The following CNRIP1 variants were observed in gnomAD, a reference collection of about 807,000 sequenced individuals.
CNRIP1 encodes the protein cannabinoid receptor interacting protein 1.
CNRIP1 carries 10 observed loss-of-function variants against 15.2 expected under a neutral mutation model. The ratio of observed to expected loss-of-function variants is 0.66; its 90% confidence interval spans 0.41 to 1.12. CNRIP1 has a LOEUF of 1.12. Ranked by LOEUF, CNRIP1 falls within the 50% of genes most tolerant of loss-of-function variation. The pLI, the probability that CNRIP1 is intolerant of heterozygous loss-of-function variation, is 0.00. For synonymous variants in CNRIP1, 91 were observed against 83.2 expected (o/e 1.09, Z -0.51); for missense variants, 211 against 214.7 (o/e 0.98, Z 0.11).
downstream of CNRIP1, among the ~76,000 whole-genome samples, chr2:68,289,562 C>T (rs985629526): frequency 6.6e-6 from 1 of 151,958 alleles, no homozygotes. Flanking sequence ...CTCACTGCAA[C>T]CTCCACTTCC....
Position 68,293,404 on chromosome 2 carries a change from C to A in CNRIP1, c.*458G>T, listed in dbSNP as rs1410590389. The A allele has an allele frequency of 2.0e-6, 2 of 986,070 alleles. No homozygotes were observed. Among genetic ancestry groups the A allele is most frequent in the Admixed American group, 6.1e-5 (1 of 16,394 alleles). 61.1% of individuals were successfully genotyped at this position (986,070 alleles called of 1,614,324 possible). A position where few individuals can be genotyped will look rare whatever the true frequency, so the allele number is the denominator to read the frequency against. ...TCACAAAGCCTGCTTTGAAAGCTGG[C>A]AAACACTGCAAGTTACATGTTACCA... On this transcript the variant is annotated 3_prime_UTR_variant, in exon 3 of 3. Coordinates refer to ENST00000263655, the MANE Select transcript of CNRIP1 (RefSeq NM_015463.3).
intron 2 of CNRIP1, among the ~76,000 whole-genome samples, chr2:68,300,577 A>T (rs1671567472): frequency 6.6e-6 from 1 of 152,118 alleles, no homozygotes; most frequent in East Asian, 1.9e-4. Context: ...AGATCACACC[A>T]TTGCACTCCA....
chr2:68,314,038 T>C (rs1263009032), intron 2 of CNRIP1, among the ~76,000 whole-genome samples: 1 of 152,146 alleles, frequency 6.6e-6, no homozygotes. Context: ...CCTTCATTTT[T>C]TCCTCAAGAA....
chr2:68,305,462 C>T (rs559603861), intron 2 of CNRIP1, among the ~76,000 whole-genome samples: 4 of 151,886 alleles, frequency 2.6e-5, no homozygotes, highest in Admixed American at 2.0e-4. Flanking sequence ...GAAATGTCAT[C>T]AGTGTGGGTG....
chr2:68,293,318 C>T lies in CNRIP1; in HGVS notation c.*544G>A, dbSNP rs1282410615. ...TTGTTACCATCCTTCCCTGAAAGAG[C>T]GGAGCTGTTTATAGGAAGCACAACA... On this transcript the variant is annotated 3_prime_UTR_variant, in exon 3 of 3. Coordinates refer to ENST00000263655, the MANE Select transcript of CNRIP1 (RefSeq NM_015463.3). 2.2e-5 allele frequency: 22 copies of T among 985,812 alleles called. No individual in the cohort carries two copies. In the South Asian group the frequency reaches 5.6e-4, roughly 25 times the overall value. 61.1% of individuals were successfully genotyped at this position (985,812 alleles called of 1,614,324 possible). A position where few individuals can be genotyped will look rare whatever the true frequency, so the allele number is the denominator to read the frequency against.
At chr2:68,317,415 G>T in intron 1 of CNRIP1, 108 bp from the exon 2 acceptor site, 1 of 1,194,792 alleles carries the variant, frequency 8.4e-7, no homozygotes, top group South Asian at 1.4e-5. Flanking sequence ...CACTAAGGGG[G>T]GCATTGTGGT....
At chr2:68,301,565 G>C (rs1284981471) in intron 2 of CNRIP1, among the ~76,000 whole-genome samples, 1 of 152,062 alleles carries the variant, frequency 6.6e-6, no homozygotes, top group Non-Finnish European at 1.5e-5. Context: ...AGAGTAAAAC[G>C]GTCTATCCAG....
At chr2:68,312,448 T>G (rs746970050) in intron 2 of CNRIP1, among the ~76,000 whole-genome samples, 2 of 152,146 alleles carry the variant, frequency 1.3e-5, no homozygotes, top group Admixed American at 6.5e-5. Flanking sequence ...AAACCAGGAA[T>G]AGAAGAGAAC....
chr2:68,311,412 G>C (rs910215102), intron 2 of CNRIP1, among the ~76,000 whole-genome samples: 1 of 152,092 alleles, frequency 6.6e-6, no homozygotes, highest in Admixed American at 6.6e-5. Context: ...TTTTGAAAAG[G>C]CCAATAAAAC....
At chr2:68,285,470 C>A (rs550673881) in intron 2 of CNRIP1, among the ~76,000 whole-genome samples, 24 of 151,954 alleles carry the variant, frequency 1.6e-4, no homozygotes, top group Non-Finnish European at 3.1e-4. Context: ...TCGTGACCAG[C>A]CTGGGCAACA....
downstream of CNRIP1, among the ~76,000 whole-genome samples, chr2:68,289,142 A>G (rs1214865315): frequency 6.6e-6 from 1 of 152,178 alleles, no homozygotes; most frequent in African/African-American, 2.4e-5. Flanking sequence ...AGAAATTGAC[A>G]TCATTCTTGA....
rs951421708 is a variant in CNRIP1, at chr2:68,317,228, C to T, written c.259G>A (p.Gly87Ser). 5 of 1,614,034 alleles carry T rather than the reference C, an allele frequency of 3.1e-6. No individual in the cohort carries two copies. The highest frequency in any genetic ancestry group is 4.2e-6 in the Non-Finnish European group (5 of 1,180,040). ...GTCACACCTTCTGTGTCATATGTACCCGTATAAACAACTCTGTCCCCATCA... is the reference window on the plus strand; with the variant it reads ...GTCACACCTTCTGTGTCATATGTACTCGTATAAACAACTCTGTCCCCATCA... Reference protein sequence around the residue: ...EPDGDRVVYTGTYDTEGVTPT... With the variant: ...EPDGDRVVYTSTYDTEGVTPT... Residue 87 changes from glycine to serine, a missense_variant, in exon 2 of 3, where the codon GGT becomes AGT. Transcript: ENST00000263655.
At chr2:68,290,941 G>A (rs1052496305), downstream of CNRIP1, among the ~76,000 whole-genome samples, 1 of 152,090 alleles carries the variant, frequency 6.6e-6, no homozygotes, top group African/African-American at 2.4e-5. Context: ...CAAGCTTCTG[G>A]GTAGCCATCT....
At chr2:68,304,999 C>T (rs1448274546) in intron 2 of CNRIP1, among the ~76,000 whole-genome samples, 2 of 152,086 alleles carry the variant, frequency 1.3e-5, no homozygotes, top group Admixed American at 6.5e-5. Flanking sequence ...AATCCCACCA[C>T]TTTGCGAAGC....
chr2:68,293,319 G>A lies in CNRIP1; in HGVS notation c.*543C>T, dbSNP rs181320155. ...TGTTACCATCCTTCCCTGAAAGAGCGGAGCTGTTTATAGGAAGCACAACAT... is the reference window on the plus strand; with the variant it reads ...TGTTACCATCCTTCCCTGAAAGAGCAGAGCTGTTTATAGGAAGCACAACAT... On this transcript the variant is annotated 3_prime_UTR_variant, in exon 3 of 3. Coordinates refer to ENST00000263655, the MANE Select transcript of CNRIP1 (RefSeq NM_015463.3). 1.1e-4 allele frequency: 105 copies of A among 985,944 alleles called. No individual in the cohort carries two copies. The East Asian group carries it at 5.6e-3, about 52-fold the overall frequency. The allele number at this position is 985,944 out of a possible 1,614,324, so 61.1% of individuals were successfully genotyped here. A position where few individuals can be genotyped will look rare whatever the true frequency, so the allele number is the denominator to read the frequency against.
At chr2:68,308,200 AAAAACAAAAC>A (rs202078137) in intron 2 of CNRIP1, among the ~76,000 whole-genome samples, 5 of 150,120 alleles carry the variant, frequency 3.3e-5, no homozygotes, top group African/African-American at 5.0e-5. Context: ...CTCTTATTAA[AAAAACAAAAC>A]AAAACAAAAC....
At chr2:68,317,058 C>T in intron 2 of CNRIP1, 99 bp downstream of exon 2, 2 of 1,458,346 alleles carry the variant, frequency 1.4e-6, no homozygotes, top group South Asian at 2.3e-5. Flanking sequence ...TAATTGGCTC[C>T]CAACACACCT....
chr2:68,302,845 C>CTTTTTTTTTT (rs1214086385), intron 2 of CNRIP1, among the ~76,000 whole-genome samples: 1 of 126,276 alleles, frequency 7.9e-6, no homozygotes, highest in Non-Finnish European at 1.6e-5. Context: ...ATTTGAAAAA[C>CTTTTTTTTTT]TTTTTTTTTT....
intron 2 of CNRIP1, among the ~76,000 whole-genome samples, chr2:68,306,321 C>CAA (rs35066190): frequency 0.01 from 898 of 85,680 alleles, 15 homozygotes; most frequent in African/African-American, 0.037. Flanking sequence ...GATCCTATCT[C>CAA]AAAAAAAAAA....
Sources: allele counts gnomAD v4.1 joint callset (sites outside exome capture counted in the v4.1 genomes callset), GRCh38; gene constraint gnomAD v4.1.1; transcripts MANE v1.5; gene names NCBI Gene and HGNC (gene_info 2026-07-23, HGNC 2026-07-21).